INTS9: variants seen among roughly 807,000 people sequenced by gnomAD.
INTS9 encodes the protein protein related to CPSF subunits of 74 kDa.
A neutral mutation model predicts 79.7 loss-of-function variants in INTS9; 55 were observed. The observed-to-expected ratio is 0.69, with a 90% CI of 0.56 to 0.86. The LOEUF is 0.86. Ranked by LOEUF, INTS9 falls within the 40% of genes least tolerant of loss-of-function variation. The pLI is 0.00. For synonymous variants in INTS9, 319 were observed against 325.2 expected (o/e 0.98, Z 0.20); for missense variants, 721 against 831.5 (o/e 0.87, Z 1.64).
intron 2 of INTS9, among the ~76,000 whole-genome samples, chr8:28,853,313 C>T (rs537330640): frequency 1.3e-5 from 2 of 150,936 alleles, no homozygotes; most frequent in Non-Finnish European, 2.9e-5. Context: ...CTTGAGAGGC[C>T]GAGGCAAGAG....
At chr8:28,797,572 T>C (rs1804294453) in intron 8 of INTS9, among the ~76,000 whole-genome samples, 1 of 152,206 alleles carries the variant, frequency 6.6e-6, no homozygotes, top group Non-Finnish European at 1.5e-5. Context: ...TGTGTTTTTA[T>C]TTTTACTCAC....
chr8:28,779,380 A>G (rs1416523025), intron 12 of INTS9, among the ~76,000 whole-genome samples: 1 of 152,162 alleles, frequency 6.6e-6, no homozygotes, highest in Non-Finnish European at 1.5e-5. Context: ...CCTGGCACCC[A>G]CAGCAAAGCC....
At chr8:28,854,288 G>A (rs1808021369) in intron 2 of INTS9, among the ~76,000 whole-genome samples, 1 of 152,188 alleles carries the variant, frequency 6.6e-6, no homozygotes, top group Non-Finnish European at 1.5e-5. Context: ...AGTGCAAACT[G>A]TTGGAATGAT....
At chr8:28,777,001 A>G (rs1802927743) in intron 13 of INTS9, among the ~76,000 whole-genome samples, 1 of 152,146 alleles carries the variant, frequency 6.6e-6, no homozygotes, top group Non-Finnish European at 1.5e-5. Context: ...GAGTGCCAGT[A>G]TTCTTTCTTC....
In INTS9 at chr8:28,780,980, A is replaced by C. The variant is rs1563246387; in HGVS notation, c.1113T>G (p.Asn371Lys). The C allele has an allele frequency of 2.5e-6, 4 of 1,613,618 alleles. No homozygotes were observed. The highest frequency in any genetic ancestry group is 3.4e-6 in the Non-Finnish European group (4 of 1,179,754). Residue 371 changes from asparagine (N) to lysine (K), a missense_variant, in exon 12 of 17, where the codon AAT becomes AAG. Transcript: ENST00000521022. ...GGATGCTGGGGTAGTGCTTCAGCTT[A>C]TTGGTCTGAATGAGCTGGAAAATAT... ...PFPHAELIQT[N>K]KLKHYPSIHG... is the part of the protein sequence containing the mutation.
intron 8 of INTS9, among the ~76,000 whole-genome samples, chr8:28,810,972 T>TGACC (rs1369588533): frequency 3.9e-5 from 6 of 152,210 alleles, no homozygotes; most frequent in African/African-American, 1.4e-4. Flanking sequence ...ACCTCACTGC[T>TGACC]GACCTCCACG....
At chr8:28,880,277 T>TCC (rs1445899086) in intron 1 of INTS9, among the ~76,000 whole-genome samples, 2 of 91,648 alleles carry the variant, frequency 2.2e-5, no homozygotes, top group African/African-American at 8.6e-5. Context: ...CCTCTCCCTC[T>TCC]CTCTCCCTCC....
chr8:28,888,467 T>C (rs1439959002), intron 1 of INTS9, among the ~76,000 whole-genome samples: 1 of 152,046 alleles, frequency 6.6e-6, no homozygotes, highest in East Asian at 1.9e-4. Flanking sequence ...AGAGGATCGC[T>C]TGAGTCCGAA....
intron 6 of INTS9, among the ~76,000 whole-genome samples, chr8:28,828,058 G>C (rs867494542): frequency 2.0e-5 from 3 of 152,294 alleles, no homozygotes; most frequent in African/African-American, 7.2e-5. Context: ...TGATTACTCC[G>C]TCAAAGCACT....
chr8:28,791,439 GTGTTATCC>G (rs1442931810), intron 10 of INTS9, among the ~76,000 whole-genome samples: 1 of 152,072 alleles, frequency 6.6e-6, no homozygotes, highest in Non-Finnish European at 1.5e-5. Flanking sequence ...GTCTTGGCTT[GTGTTATCC>G]TCTCCACCCA....
chr8:28,779,750 T>G (rs553294287), intron 12 of INTS9, among the ~76,000 whole-genome samples: 14 of 152,164 alleles, frequency 9.2e-5, no homozygotes, highest in Non-Finnish European at 1.9e-4. Flanking sequence ...AATGAGGCAA[T>G]AAACCCAACT....
chr8:28,857,297 A>G (rs1337308478), intron 2 of INTS9, among the ~76,000 whole-genome samples: 2 of 152,218 alleles, frequency 1.3e-5, no homozygotes, highest in Non-Finnish European at 2.9e-5. Flanking sequence ...AAGAAGGGTC[A>G]CAGAGGTAAG....
chr8:28,793,959 C>T lies in INTS9; in HGVS notation c.885G>A (p.Val295=). 1 of 1,605,050 alleles carries T rather than the reference C, an allele frequency of 6.2e-7. No homozygotes were observed. Among genetic ancestry groups the T allele is most frequent in the South Asian group, 1.1e-5 (1 of 89,860 alleles). ...LALTVRNGGN[V]LVPCYPSGVI... ...CTCCAGAAGGGTAGCAGGGAACCAA[C>T]ACGTTTCCTCCATTCCGGACTGTCA... Residue 295 remains valine, a synonymous_variant, in exon 10 of 17, where the codon GTG becomes GTA. Transcript: ENST00000521022.
chr8:28,778,100 G>C, intron 12 of INTS9, 147 bp from the exon 13 acceptor site: 1 of 834,378 alleles, frequency 1.2e-6, no homozygotes, highest in Non-Finnish European at 1.7e-6. Flanking sequence ...AGGTCAAAGG[G>C]GCCCCGTGGA....
chr8:28,822,848 T>A (rs1805918946), intron 6 of INTS9, among the ~76,000 whole-genome samples: 1 of 152,144 alleles, frequency 6.6e-6, no homozygotes, highest in African/African-American at 2.4e-5. Flanking sequence ...GATGTGCAGA[T>A]CTACTGCCCA....
At chr8:28,865,606 A>G (rs1808703313) in intron 1 of INTS9, among the ~76,000 whole-genome samples, 1 of 152,248 alleles carries the variant, frequency 6.6e-6, no homozygotes, top group Admixed American at 6.5e-5. Context: ...CGTAGCCTCA[A>G]AATACATGAA....
intron 6 of INTS9, among the ~76,000 whole-genome samples, chr8:28,828,238 C>G (rs1806266038): frequency 6.6e-6 from 1 of 152,182 alleles, no homozygotes; most frequent in Non-Finnish European, 1.5e-5. Context: ...AATTTGAAAA[C>G]AGTTTTCCTT....
chr8:28,882,498 A>AT (rs1156694795), intron 1 of INTS9, among the ~76,000 whole-genome samples: 26 of 144,340 alleles, frequency 1.8e-4, no homozygotes, highest in African/African-American at 5.0e-4. Context: ...ATAAAATAAA[A>AT]AAAAAAGAAA....
chr8:28,770,012 G>A lies in INTS9; in HGVS notation c.1677C>T (p.Pro559=), dbSNP rs139073610. 15 of 1,613,920 alleles carry A rather than the reference G, an allele frequency of 9.3e-6. No homozygotes were observed. Among genetic ancestry groups the A allele is most frequent in the African/African-American group, 1.3e-5 (1 of 75,038 alleles). The change falls in exon 16 of 17, where the codon CCC becomes CCT. Residue 559 remains proline (P), a synonymous_variant. Coordinates refer to ENST00000521022, the MANE Select transcript of INTS9 (RefSeq NM_018250.4). ...NKHLLQPPPR[P]AQPTSGKKRK... is the part of the protein sequence containing the mutation. The stretch of plus-strand genomic sequence containing the variant: ...TCTTCTTCCCGCTCGTGGGCTGGGC[G>A]GGCCGAGGAGGGGGCTAGAGCAGAA...
Sources: gnomAD v4.1 joint callset for allele counts (sites outside exome capture counted in the v4.1 genomes callset) on GRCh38, gnomAD v4.1.1 for gene constraint, MANE v1.5 for transcripts, NCBI Gene and HGNC (gene_info 2026-07-23, HGNC 2026-07-21) for gene names.